Variants in NF1 observed in about 807,000 individuals in gnomAD.
NF1 encodes the protein neurofibromin 1.
A neutral mutation model predicts 325.7 loss-of-function variants in NF1; 122 were observed. The observed-to-expected ratio is 0.37, with a 90% CI of 0.32 to 0.44. The LOEUF is 0.44. Among genes scored for constraint, NF1 ranks in the 20% least tolerant of loss-of-function variants. The pLI, the probability that NF1 is intolerant of heterozygous loss-of-function variation, is 1.00. For synonymous variants in NF1, 1,091 were observed against 1,186.0 expected (o/e 0.92, Z 1.65); for missense variants, 2,140 against 3,415.4 (o/e 0.63, Z 9.31).
intron 51 of NF1, among the ~76,000 whole-genome samples, 170 bp downstream of exon 51, chr17:31,352,584 G>A (rs922585734): frequency 1.3e-5 from 2 of 152,164 alleles, no homozygotes; most frequent in African/African-American, 2.4e-5. Context: ...AGCATTATAA[G>A]TTGAGATAGA....
In NF1 at chr17:31,332,577, T is replaced by TG. The variant is rs1166946668; in HGVS notation, c.5812+2079_5812+2080insG. 2.9e-5 allele frequency among the ~76,000 whole-genome samples: 3 copies of TG among 102,038 alleles called. 1 individual carries two copies. Among genetic ancestry groups the TG allele is most frequent in the Non-Finnish European group, 7.7e-5 (3 of 39,066 alleles). The allele number at this position is 102,038 out of a possible 152,430, so 66.9% of individuals were successfully genotyped here. A position where few individuals can be genotyped will look rare whatever the true frequency, so the allele number is the denominator to read the frequency against. On this transcript the variant is annotated intron_variant, in intron 39 of 57. Coordinates refer to ENST00000358273, the MANE Select transcript of NF1 (RefSeq NM_001042492.3). ...TAACAGTAACATACAGATCATGGTTTTTTTTTTTTTTTTATTATACTCTAA... is the reference window on the plus strand; with the variant it reads ...TAACAGTAACATACAGATCATGGTTTGTTTTTTTTTTTTTATTATACTCTAA...
chr17:31,231,665 C>G (rs2067114548), intron 24 of NF1, among the ~76,000 whole-genome samples: 1 of 151,882 alleles, frequency 6.6e-6, no homozygotes, highest in African/African-American at 2.4e-5. Context: ...TTTGTTATAC[C>G]ATATTGTTTA....
rs2069098964 is a variant in NF1 at position 31,318,816 on chromosome 17, A to G, written c.4836-7004A>G. 3.1e-6 allele frequency: 5 copies of G among 1,613,872 alleles called. No homozygotes were observed. The East Asian group carries it at 1.1e-4, about 36-fold the overall frequency. ...TAGAATTACCTTTATAATCTACTTC[A>G]GGAGTTATAGGGTTTGTGTTAATGT... On this transcript the variant is annotated intron_variant, in intron 36 of 57. Coordinates refer to ENST00000358273, the MANE Select transcript of NF1 (RefSeq NM_001042492.3).
intron 46 of NF1, 91 bp from the exon 47 acceptor site, chr17:31,340,414 G>T (rs964965550): frequency 9.2e-6 from 14 of 1,529,598 alleles, no homozygotes; most frequent in Non-Finnish European, 1.3e-5. Flanking sequence ...AATTTAGGAA[G>T]ATAAGCTGCT....
chr17:31,110,688 T>C (rs1025423357), intron 1 of NF1, among the ~76,000 whole-genome samples: 4 of 152,022 alleles, frequency 2.6e-5, no homozygotes, highest in African/African-American at 4.8e-5. Flanking sequence ...ATAACTATAA[T>C]ATACTTAAGA....
At position 31,374,830 on chromosome 17, in the gene NF1, C is replaced by T. The variant is rs926335910; in HGVS notation, c.*675C>T. On this transcript the variant is annotated 3_prime_UTR_variant, in exon 58 of 58. Transcript: ENST00000358273. ...AGCAATAATTACAGGAAAATAAGTGCGACCACATATATCTTAACATTACTG... is the reference window on the plus strand; with the variant it reads ...AGCAATAATTACAGGAAAATAAGTGTGACCACATATATCTTAACATTACTG... The T allele has an allele frequency of 5.2e-5, 12 of 231,384 alleles. No homozygotes were observed. Among genetic ancestry groups the T allele is most frequent in the East Asian group, 1.8e-4 (3 of 16,290 alleles). 14.3% of individuals were successfully genotyped at this position (231,384 alleles called of 1,614,324 possible).
chr17:31,310,367 G>A (rs2068837352), intron 36 of NF1, among the ~76,000 whole-genome samples: 1 of 151,632 alleles, frequency 6.6e-6, no homozygotes, highest in Non-Finnish European at 1.5e-5. Flanking sequence ...GAAAAAAAAA[G>A]CAGTGGTTAT....
At chr17:31,268,507 G>T (rs1449709462) in intron 36 of NF1, among the ~76,000 whole-genome samples, 1 of 151,556 alleles carries the variant, frequency 6.6e-6, no homozygotes, top group Non-Finnish European at 1.5e-5. Flanking sequence ...CGTGGCTGTA[G>T]TCCCAGCTAC....
chr17:31,325,409 G>C (rs957879535), intron 36 of NF1, among the ~76,000 whole-genome samples: 2 of 152,214 alleles, frequency 1.3e-5, no homozygotes, highest in Non-Finnish European at 1.5e-5. Flanking sequence ...TGAATAATGT[G>C]TTCATTGCTG....
chr17:31,280,349 C>T (rs1432664216), intron 36 of NF1, among the ~76,000 whole-genome samples: 1 of 151,206 alleles, frequency 6.6e-6, no homozygotes, highest in African/African-American at 2.4e-5. Flanking sequence ...CCCGTCTCTA[C>T]TAAAGATAAA....
chr17:31,157,605 ATATT>A (rs2065686647), intron 2 of NF1, among the ~76,000 whole-genome samples: 1 of 152,116 alleles, frequency 6.6e-6, no homozygotes, highest in African/African-American at 2.4e-5. Context: ...CATCATCTCA[ATATT>A]TATCATTTCT....
chr17:31,200,354 AATATT>A, intron 8 of NF1, 63 bp from the exon 9 acceptor site: 4 of 1,461,462 alleles, frequency 2.7e-6, no homozygotes, highest in Non-Finnish European at 3.8e-6. Flanking sequence ...AATTTGCTAT[AATATT>A]AGCTACATCT....
chr17:31,112,685 A>G (rs1370942849), intron 1 of NF1, among the ~76,000 whole-genome samples: 1 of 152,232 alleles, frequency 6.6e-6, no homozygotes, highest in Non-Finnish European at 1.5e-5. Context: ...TTCATCAGAT[A>G]AATGATTTGC....
chr17:31,277,883 C>T (rs966510133), intron 36 of NF1, among the ~76,000 whole-genome samples: 8 of 152,190 alleles, frequency 5.3e-5, no homozygotes, highest in African/African-American at 1.4e-4. Context: ...CTCCTTTATA[C>T]ATAATCTCTA....
chr17:31,315,888 A>G (rs1434862925), intron 36 of NF1, among the ~76,000 whole-genome samples: 2 of 152,186 alleles, frequency 1.3e-5, no homozygotes, highest in African/African-American at 4.8e-5. Flanking sequence ...AAAGCATAAT[A>G]TAATCAAATG....
chr17:31,202,222 T>A (rs1052444144), intron 11 of NF1, among the ~76,000 whole-genome samples: 2 of 152,212 alleles, frequency 1.3e-5, no homozygotes, highest in Non-Finnish European at 2.9e-5. Context: ...CAAGTGTTAT[T>A]TTCCATTGTT....
intron 46 of NF1, 28 bp downstream of exon 46, chr17:31,338,833 T>C: frequency 1.5e-6 from 2 of 1,368,802 alleles, no homozygotes; most frequent in Non-Finnish European, 2.1e-6. Flanking sequence ...AATGAGTGCA[T>C]TCATTTTGGG....
intron 1 of NF1, among the ~76,000 whole-genome samples, chr17:31,115,204 T>C (rs1340300141): frequency 6.6e-6 from 1 of 152,174 alleles, no homozygotes; most frequent in African/African-American, 2.4e-5. Flanking sequence ...GGAATGCTAC[T>C]GGCATCTAGT....
chr17:31,159,813 A>G (rs373607996), intron 3 of NF1, among the ~76,000 whole-genome samples: 2 of 152,196 alleles, frequency 1.3e-5, no homozygotes, highest in African/African-American at 4.8e-5. Context: ...TGCCTAATCC[A>G]TGTGTATTGA....
Sources: gnomAD v4.1 joint callset for allele counts (sites outside exome capture counted in the v4.1 genomes callset) on GRCh38, gnomAD v4.1.1 for gene constraint, MANE v1.5 for transcripts, NCBI Gene and HGNC (gene_info 2026-07-23, HGNC 2026-07-21) for gene names.